SFMBT2: variants seen among roughly 807,000 people sequenced by gnomAD.
The protein encoded by SFMBT2 is Scm like with four mbt domains 2.
Under a neutral mutation model 110.1 loss-of-function variants are expected in SFMBT2, and 38 were observed. That is an observed-to-expected ratio of 0.35 (90% CI 0.27 to 0.45). The LOEUF is 0.45. Among genes scored for constraint, SFMBT2 ranks in the 20% least tolerant of loss-of-function variants. The pLI is 1.00. For missense variants in SFMBT2, 1,011 were observed against 1,094.9 expected, an observed-to-expected ratio of 0.92 and a Z score of 1.08; for synonymous variants, 425 against 425.4, an observed-to-expected ratio of 1.00 and a Z score of 0.01.
Position 7,163,963 on chromosome 10 carries a change from C to T in SFMBT2, c.2545-53G>A. The T allele has an allele frequency of 6.4e-7, 1 of 1,561,966 alleles. No individual in the cohort carries two copies. Among genetic ancestry groups the T allele is most frequent in the Non-Finnish European group, 8.7e-7 (1 of 1,152,068 alleles). On this transcript the variant is annotated intron_variant, in intron 20 of 20. Transcript: ENST00000397167. This position sits in a 1 kb window ranked among gnomAD's most constrained non-coding sequence, Gnocchi z 4.8. ...AAGGGGCAGTGTGCACTGGGGTACA[C>T]AGATGCGTCACAGCAGGCTCCAGTC... is the stretch of plus-strand genomic sequence containing the variant.
rs1564435687 is a variant in SFMBT2, at chr10:7,315,111, A to AG, written c.437-29158_437-29157insC. ...AAGAAAGAAAGAAAGAAAGAAAGAA[A>AG]AAGCAAGCAAGCAAGCCAGCCAATC... On this transcript the variant is annotated intron_variant, in intron 4 of 20. Coordinates refer to ENST00000397167, the MANE Select transcript of SFMBT2 (RefSeq NM_001387889.1). Among the ~76,000 whole-genome samples, 354 of 130,514 alleles carry AG rather than the reference A, an allele frequency of 2.7e-3. 3 individuals carry two copies. The highest frequency in any genetic ancestry group is 4.6e-3 in the East Asian group (23 of 5,046). The allele number at this position is 130,514 out of a possible 152,430, so 85.6% of individuals were successfully genotyped here.
chr10:7,210,541 A>G (rs1490796311), intron 11 of SFMBT2, among the ~76,000 whole-genome samples: 1 of 152,236 alleles, frequency 6.6e-6, no homozygotes, highest in African/African-American at 2.4e-5. Flanking sequence ...CAGAAGAAGG[A>G]AAAGAAGTAT....
chr10:7,335,046 T>C (rs549848616), intron 4 of SFMBT2, among the ~76,000 whole-genome samples: 3 of 152,286 alleles, frequency 2.0e-5, no homozygotes, highest in African/African-American at 2.4e-5. Flanking sequence ...AGGAATCTAT[T>C]TGGGGATTTA....
intron 4 of SFMBT2, among the ~76,000 whole-genome samples, chr10:7,357,442 G>C (rs1844557732): frequency 6.6e-6 from 1 of 152,112 alleles, no homozygotes; most frequent in South Asian, 2.1e-4. Flanking sequence ...CAAAGCCCGA[G>C]GGGATTCTCC....
intron 11 of SFMBT2, among the ~76,000 whole-genome samples, chr10:7,213,798 G>A (rs960926389): frequency 5.3e-5 from 8 of 151,344 alleles, no homozygotes; most frequent in Non-Finnish European, 8.8e-5. Flanking sequence ...GCCATGGTGC[G>A]GGCACTCAGA....
In SFMBT2 at chr10:7,264,008, A is replaced by C. The variant is rs918133709; in HGVS notation, c.870+12884T>G. The stretch of plus-strand genomic sequence containing the variant: ...CAGGTACATCATTGAAAGCTAAGAA[A>C]ACACTGAAAAAAAGCACTGGATGTG... On this transcript the variant is annotated intron_variant, in intron 7 of 20. Coordinates refer to ENST00000397167, the MANE Select transcript of SFMBT2 (RefSeq NM_001387889.1). 3.7e-5 allele frequency: 9 copies of C among 240,710 alleles called. No homozygotes were observed. In the Admixed American group the frequency reaches 4.5e-4, roughly 12 times the overall value. 14.9% of individuals were successfully genotyped at this position (240,710 alleles called of 1,614,324 possible).
In SFMBT2 at chr10:7,306,452, C is replaced by T. The variant is rs1209183297; in HGVS notation, c.437-20498G>A. Reference sequence around the variant, plus strand: ...TTTATGTATTGCTCACGGCTGCTCTCGTGCCACAACAGTGAACTGAGTAGC... The same window carrying T: ...TTTATGTATTGCTCACGGCTGCTCTTGTGCCACAACAGTGAACTGAGTAGC... On this transcript the variant is annotated intron_variant, in intron 4 of 20. Transcript: ENST00000397167. 3.3e-5 allele frequency among the ~76,000 whole-genome samples: 5 copies of T among 152,222 alleles called. No homozygotes were observed. In the East Asian group the frequency reaches 7.7e-4, roughly 23 times the overall value.
chr10:7,356,276 A>G (rs959771799), intron 4 of SFMBT2, among the ~76,000 whole-genome samples: 15 of 152,244 alleles, frequency 9.9e-5, no homozygotes, highest in African/African-American at 3.4e-4. Flanking sequence ...GCTAACCTCA[A>G]AGGCTGCTCA....
At chr10:7,389,766 T>A (rs1053264294) in intron 1 of SFMBT2, among the ~76,000 whole-genome samples, 1 of 152,224 alleles carries the variant, frequency 6.6e-6, no homozygotes, top group Non-Finnish European at 1.5e-5. Flanking sequence ...TGAGATGCAA[T>A]CACCCCTTTC....
At position 7,293,974 on chromosome 10, in the gene SFMBT2, G is replaced by T. The variant is rs148194417; in HGVS notation, c.437-8020C>A. Among the ~76,000 whole-genome samples the T allele has an allele frequency of 1.3e-5, 2 of 152,088 alleles. No individual in the cohort carries two copies. The highest frequency in any genetic ancestry group is 2.4e-5 in the African/African-American group (1 of 41,406). On this transcript the variant is annotated intron_variant, in intron 4 of 20. Coordinates refer to ENST00000397167, the MANE Select transcript of SFMBT2 (RefSeq NM_001387889.1). This position sits in a 1 kb window ranked among gnomAD's most constrained non-coding sequence, Gnocchi z 4.6. ...TGTATATCACAGACATCACTTCCTCGCTGGACATGGCCACATCTCATAGTA... is the reference window on the plus strand; with the variant it reads ...TGTATATCACAGACATCACTTCCTCTCTGGACATGGCCACATCTCATAGTA...
chr10:7,388,524 A>ATTTTTTTTTTTTTTTTTTT (rs60231769), intron 1 of SFMBT2, among the ~76,000 whole-genome samples: 2 of 112,094 alleles, frequency 1.8e-5, no homozygotes, highest in Non-Finnish European at 3.5e-5. Flanking sequence ...TACCCAGCTA[A>ATTTTTTTTTTTTTTTTTTT]TTTTTTTTTT....
At chr10:7,319,880 G>GAGAC (rs1564438293) in intron 4 of SFMBT2, among the ~76,000 whole-genome samples, 1 of 150,196 alleles carries the variant, frequency 6.7e-6, no homozygotes, top group Non-Finnish European at 1.5e-5. Flanking sequence ...GACAGAGAGG[G>GAGAC]AGAGAGACAG....
chr10:7,241,316 A>C, intron 9 of SFMBT2: 2 of 981,928 alleles, frequency 2.0e-6, no homozygotes, highest in Non-Finnish European at 2.4e-6. Context: ...AATGATATTT[A>C]CCACTTCTTG....
At chr10:7,252,292 C>T (rs1840836326) in intron 7 of SFMBT2, among the ~76,000 whole-genome samples, 1 of 152,216 alleles carries the variant, frequency 6.6e-6, no homozygotes, top group Non-Finnish European at 1.5e-5. Flanking sequence ...ATCTAGCAGA[C>T]ACCAGGCAGT....
chr10:7,249,745 A>C (rs1840740909), intron 7 of SFMBT2, among the ~76,000 whole-genome samples: 1 of 152,206 alleles, frequency 6.6e-6, no homozygotes. Flanking sequence ...AGGAGATCAG[A>C]CTAGAAGAAC....
chr10:7,207,501 AGG>A, intron 11 of SFMBT2: 1 of 34,056 alleles, frequency 2.9e-5, no homozygotes, highest in Non-Finnish European at 5.4e-5. Context: ...AAGGAAAGGG[AGG>A]AAGGAAAGGG....
chr10:7,318,712 C>T (rs1337072247), intron 4 of SFMBT2, among the ~76,000 whole-genome samples: 1 of 152,230 alleles, frequency 6.6e-6, no homozygotes, highest in African/African-American at 2.4e-5. Context: ...AATAAAGGTT[C>T]GCGTCTCCGC....
At chr10:7,365,412 C>T (rs544341810) in intron 4 of SFMBT2, among the ~76,000 whole-genome samples, 1 of 152,322 alleles carries the variant, frequency 6.6e-6, no homozygotes, top group African/African-American at 2.4e-5. Context: ...CAGTAAATCA[C>T]TCGATTACTC....
chr10:7,289,408 A>T (rs1292513462), intron 4 of SFMBT2, among the ~76,000 whole-genome samples: 1 of 152,224 alleles, frequency 6.6e-6, no homozygotes, highest in African/African-American at 2.4e-5. Context: ...GTCACTGCAC[A>T]ATGCTGAAAT....
Sources: gnomAD v4.1 joint callset for allele counts (sites outside exome capture counted in the v4.1 genomes callset) on GRCh38, gnomAD v4.1.1 for gene constraint, Gnocchi (gnomAD v3.1) non-coding constraint, MANE v1.5 for transcripts, NCBI Gene and HGNC (gene_info 2026-07-23, HGNC 2026-07-21) for gene names.